Variants in CHRDL1 observed in about 807,000 individuals in gnomAD.
The protein encoded by CHRDL1 is chordin like 1.
CHRDL1 carries 19 observed loss-of-function variants against 40.9 expected under a neutral mutation model. The ratio of observed to expected loss-of-function variants is 0.46; its 90% CI spans 0.32 to 0.68. The LOEUF is 0.68. CHRDL1 is among the 30% of genes least tolerant of loss of function. The pLI, the probability that CHRDL1 is intolerant of heterozygous loss-of-function variation, is 0.03. For missense variants in CHRDL1, 329 were observed against 352.1 expected, an observed-to-expected ratio of 0.93 and a Z score of 0.53; for synonymous variants, 136 against 123.4, an observed-to-expected ratio of 1.10 and a Z score of -0.68.
At chrX:110,701,682 T>C (rs1174225726) in intron 6 of CHRDL1, among the ~76,000 whole-genome samples, 1 of 110,982 alleles carries the variant, frequency 9.0e-6, no homozygotes, top group African/African-American at 3.3e-5. Flanking sequence ...GGCATGGTGG[T>C]GTGCACCTGT....
intron 4 of CHRDL1, among the ~76,000 whole-genome samples, chrX:110,734,049 T>C (rs1054240170): frequency 5.2e-4 from 58 of 110,785 alleles, no homozygotes; most frequent in Non-Finnish European, 5.7e-4. Context: ...CATATAAATA[T>C]GCATATCTAG....
chrX:110,794,731 G>A (rs2090156159), intron 1 of CHRDL1, among the ~76,000 whole-genome samples: 1 of 112,246 alleles, frequency 8.9e-6, no homozygotes, highest in South Asian at 3.7e-4. Context: ...CATCCCCACA[G>A]GAAGGCTAAG....
At chrX:110,728,050 G>T (rs1432495985) in intron 4 of CHRDL1, among the ~76,000 whole-genome samples, 1 of 111,075 alleles carries the variant, frequency 9.0e-6, no homozygotes, top group East Asian at 2.8e-4. Flanking sequence ...ATTATTAAAT[G>T]ATGAAAACAA....
chrX:110,771,416 A>T (rs2089757862), intron 2 of CHRDL1, among the ~76,000 whole-genome samples: 2 of 112,170 alleles, frequency 1.8e-5, no homozygotes, highest in African/African-American at 6.5e-5. Flanking sequence ...TTAAGAACAT[A>T]GATGCAAAAA....
rs1359306052 is a variant in CHRDL1, at chrX:110,762,799, T to C, written c.103A>G (p.Thr35Ala). ...TTCTTGTCTTGAAACATGCAATATG[T>C]CTCTGAATCTGTGAAGAAGGAGATG... ...GKTEQVKHSE[T>A]YCMFQDKKYR... Residue 35 changes from threonine to alanine, a missense_variant, in exon 3 of 12, where the codon ACA (threonine) becomes GCA (alanine). By Grantham distance (58) the Thr-to-Ala change is moderately conservative. Transcript: ENST00000372042. The C allele has an allele frequency of 5.5e-6, 6 of 1,092,736 alleles. No homozygotes were observed. The South Asian group carries it at 5.7e-5, about 10-fold the overall frequency. 90.1% of individuals were successfully genotyped at this position (1,092,736 alleles called of 1,213,427 possible).
At chrX:110,776,246 T>G (rs761491818) in intron 2 of CHRDL1, among the ~76,000 whole-genome samples, 6 of 112,828 alleles carry the variant, frequency 5.3e-5, no homozygotes, top group Non-Finnish European at 1.1e-4. Flanking sequence ...TTATGAAGAA[T>G]TTTTGTTAAT....
intron 4 of CHRDL1, among the ~76,000 whole-genome samples, chrX:110,737,799 A>G (rs753265254): frequency 9.0e-6 from 1 of 111,201 alleles, no homozygotes; most frequent in South Asian, 3.9e-4. Flanking sequence ...AATGTCAAAT[A>G]CAGAACAGGA....
intron 2 of CHRDL1, among the ~76,000 whole-genome samples, chrX:110,770,502 C>T (rs2089736021): frequency 9.3e-6 from 1 of 107,871 alleles, no homozygotes; most frequent in Admixed American, 9.9e-5. Flanking sequence ...AAAAGTAGGA[C>T]AAAATAAGAA....
chrX:110,793,818 G>A (rs899212015), intron 1 of CHRDL1, among the ~76,000 whole-genome samples: 1 of 111,860 alleles, frequency 8.9e-6, no homozygotes, highest in Admixed American at 9.5e-5. Context: ...ATGGTTGGGC[G>A]ATTCGGTGAA....
intron 2 of CHRDL1, among the ~76,000 whole-genome samples, chrX:110,774,890 A>C (rs766617945): frequency 8.9e-6 from 1 of 111,842 alleles, no homozygotes; most frequent in South Asian, 3.8e-4. Flanking sequence ...GGCAATTTGC[A>C]AGTAATGGCC....
intron 4 of CHRDL1, among the ~76,000 whole-genome samples, chrX:110,746,268 C>T (rs972529344): frequency 1.8e-5 from 2 of 110,896 alleles, no homozygotes; most frequent in Non-Finnish European, 3.8e-5. Flanking sequence ...AGCAAGACCA[C>T]GGATTAGCAG....
rs776986167 is a variant in CHRDL1 at position 110,786,341 on chromosome X, C to T, written c.94+5747G>A. On this transcript the variant is annotated intron_variant, in intron 2 of 11. Transcript: ENST00000372042. Reference sequence around the variant, plus strand: ...CTATTCTTTCATCTCTAATGTGTATCTAACCTTTCTAGAAGCAGACAGGCT... The same window carrying T: ...CTATTCTTTCATCTCTAATGTGTATTTAACCTTTCTAGAAGCAGACAGGCT... Among the ~76,000 whole-genome samples the T allele has an allele frequency of 5.9e-4, 66 of 111,879 alleles. 1 individual carries two copies. The highest frequency in any genetic ancestry group is 2.0e-3 in the African/African-American group (61 of 30,857).
At chrX:110,783,982 A>C (rs1233958901) in intron 2 of CHRDL1, among the ~76,000 whole-genome samples, 1 of 112,340 alleles carries the variant, frequency 8.9e-6, no homozygotes, top group Non-Finnish European at 1.9e-5. Flanking sequence ...TTATTCTATT[A>C]TAACACATGG....
intron 4 of CHRDL1, among the ~76,000 whole-genome samples, chrX:110,737,686 T>C (rs1316399874): frequency 8.9e-6 from 1 of 112,081 alleles, no homozygotes; most frequent in African/African-American, 3.2e-5. Context: ...ATTTGTTCCA[T>C]ATGGCCTGAG....
intron 11 of CHRDL1, among the ~76,000 whole-genome samples, chrX:110,676,990 T>C (rs755120974): frequency 9.0e-6 from 1 of 111,080 alleles, no homozygotes; most frequent in Non-Finnish European, 1.9e-5. Context: ...GGAATCCCTT[T>C]CCACGCAGAG....
At chrX:110,691,081 G>C (rs1196600833) in intron 8 of CHRDL1, among the ~76,000 whole-genome samples, 1 of 109,224 alleles carries the variant, frequency 9.2e-6, no homozygotes, top group Non-Finnish European at 1.9e-5. Flanking sequence ...AGGTGTGGTA[G>C]TGCATGCCTG....
rs1203030853 is a variant in CHRDL1 at position 110,689,656 on chromosome X, CATCTATATATCTATAT to C, written c.779-869_779-854del. On this transcript the variant is annotated intron_variant, in intron 8 of 11. Coordinates refer to ENST00000372042, the MANE Select transcript of CHRDL1 (RefSeq NM_001143981.2). ...TATATATCTATATATATCTATATAT[CATCTATATATCTATAT>C]ATCTATATATCTATATATCTATATA... 2.7e-3 allele frequency among the ~76,000 whole-genome samples: 28 copies of C among 10,516 alleles called. 5 individuals carry two copies. The highest frequency in any genetic ancestry group is 6.5e-3 in the African/African-American group (4 of 615). The allele number at this position is 10,516 out of a possible 115,157, so 9.1% of individuals were successfully genotyped here.
intron 4 of CHRDL1, among the ~76,000 whole-genome samples, chrX:110,758,852 G>T (rs981589851): frequency 8.9e-6 from 1 of 111,856 alleles, no homozygotes; most frequent in Non-Finnish European, 1.9e-5. Context: ...CCTAGTTCAA[G>T]AATTTCTACC....
chrX:110,788,366 C>T (rs148657911), intron 2 of CHRDL1, among the ~76,000 whole-genome samples: 7 of 111,822 alleles, frequency 6.3e-5, no homozygotes, highest in African/African-American at 9.7e-5. Flanking sequence ...ATTTCTGAAT[C>T]AATTGAGTGA....
Sources: allele counts gnomAD v4.1 joint callset (sites outside exome capture counted in the v4.1 genomes callset), GRCh38; gene constraint gnomAD v4.1.1; transcripts MANE v1.5; gene names NCBI Gene and HGNC (gene_info 2026-07-23, HGNC 2026-07-21).